The following TNR variants were observed in gnomAD, a reference collection of about 807,000 sequenced individuals.
TNR encodes the protein tenascin R.
In TNR, 45 loss-of-function variants were observed where a neutral mutation model predicts 150.4. The ratio of observed to expected loss-of-function variants is 0.30; its 90% CI spans 0.24 to 0.38. The LOEUF (loss-of-function observed/expected upper bound fraction) is 0.38. Ranked by LOEUF, TNR falls within the 10% of genes least tolerant of loss-of-function variation. TNR has a pLI of 1.00. For synonymous variants in TNR, 687 were observed against 678.4 expected, an observed-to-expected ratio of 1.01 and a Z score of -0.20; for missense variants, 1,544 against 1,759.1, an observed-to-expected ratio of 0.88 and a Z score of 2.19.
At chr1:175,379,160 T>G (rs859424) in intron 9 of TNR, among the ~76,000 whole-genome samples, 1 of 137,012 alleles carries the variant, frequency 7.3e-6, no homozygotes, top group Non-Finnish European at 1.6e-5. Flanking sequence ...GCCTGGGCAA[T>G]AAGAGTGAAA....
rs899934345 is a variant in TNR at position 175,363,618 on chromosome 1, G to A, written c.2707+90C>T. ...GCCACAGAGAAGAGGAAAAACGCAG[G>A]CAGGAGTGGATGTTCTGCGGGATAT... On this transcript the variant is annotated intron_variant, in intron 13 of 22. Transcript: ENST00000367674. The A allele has an allele frequency of 2.1e-5, 32 of 1,496,340 alleles. No homozygotes were observed. In the African/African-American group the frequency reaches 4.2e-4, roughly 20 times the overall value. The allele number at this position is 1,496,340 out of a possible 1,614,324, so 92.7% of individuals were successfully genotyped here. A position where few individuals can be genotyped will look rare whatever the true frequency, so the allele number is the denominator to read the frequency against.
chr1:175,391,389 A>T lies in TNR; in HGVS notation c.1406T>A (p.Phe469Tyr). The T allele has an allele frequency of 6.2e-7, 1 of 1,614,210 alleles. No individual in the cohort carries two copies. The highest frequency in any genetic ancestry group is 8.5e-7 in the Non-Finnish European group (1 of 1,180,042). The stretch of plus-strand genomic sequence containing the variant: ...CCCAGGCTTTAGTCCTGTCTGGTTA[A>T]AGGACGTAACATCGCTGGGGACCTG... ...IAQVPSDVTSFNQTGLKPGEE... is the reference protein window; with the variant it reads ...IAQVPSDVTSYNQTGLKPGEE... The change falls in exon 7 of 23, where the codon TTT becomes TAT. Residue 469 changes from phenylalanine (F) to tyrosine (Y), a missense_variant. Physicochemically the swap from Phe to Tyr is conservative, Grantham distance 22 (BLOSUM62 3). Coordinates refer to ENST00000367674, the MANE Select transcript of TNR (RefSeq NM_003285.3).
At chr1:175,426,881 AAAATAT>A (rs1181098915) in intron 2 of TNR, among the ~76,000 whole-genome samples, 1 of 60,484 alleles carries the variant, frequency 1.7e-5, no homozygotes, top group Non-Finnish European at 3.0e-5. Flanking sequence ...TTATATATAT[AAAATAT>A]AAATATATAT....
intron 1 of TNR, among the ~76,000 whole-genome samples, chr1:175,722,154 C>T (rs561421921): frequency 5.9e-5 from 9 of 152,238 alleles, no homozygotes; most frequent in South Asian, 2.1e-4. Context: ...TGCCACCCTC[C>T]GGGCCCTCCC....
At chr1:175,638,304 A>G (rs1664546324) in intron 1 of TNR, among the ~76,000 whole-genome samples, 1 of 152,210 alleles carries the variant, frequency 6.6e-6, no homozygotes, top group Non-Finnish European at 1.5e-5. Context: ...ACAATAACCA[A>G]CTGTGGCACT....
At chr1:175,585,470 A>T (rs1401034877) in intron 1 of TNR, among the ~76,000 whole-genome samples, 1 of 152,218 alleles carries the variant, frequency 6.6e-6, no homozygotes, top group African/African-American at 2.4e-5. Context: ...AACTACTATT[A>T]TTCCCATTTT....
chr1:175,496,174 C>T (rs1228549777), intron 2 of TNR, among the ~76,000 whole-genome samples: 1 of 152,036 alleles, frequency 6.6e-6, no homozygotes, highest in Non-Finnish European at 1.5e-5. Flanking sequence ...TGCCGGATTC[C>T]CACAGATACT....
chr1:175,435,570 G>A (rs1011843579), intron 2 of TNR, among the ~76,000 whole-genome samples: 2 of 152,292 alleles, frequency 1.3e-5, no homozygotes, highest in Admixed American at 6.5e-5. Flanking sequence ...AAGTTGGGCT[G>A]GAGATGTAAA....
At chr1:175,468,273 C>T (rs1054802407) in intron 2 of TNR, among the ~76,000 whole-genome samples, 2 of 152,106 alleles carry the variant, frequency 1.3e-5, no homozygotes, top group Non-Finnish European at 2.9e-5. Context: ...CAGGTGATTA[C>T]CTTCTTTAAG....
At chr1:175,398,344 A>T (rs920928832) in intron 4 of TNR, among the ~76,000 whole-genome samples, 11 of 152,200 alleles carry the variant, frequency 7.2e-5, no homozygotes, top group East Asian at 1.9e-4. Context: ...AACAAAAATT[A>T]AAAAAAATTT....
chr1:175,604,335 T>A (rs1415992843), intron 1 of TNR, among the ~76,000 whole-genome samples: 1 of 152,076 alleles, frequency 6.6e-6, no homozygotes, highest in Non-Finnish European at 1.5e-5. Context: ...GTAGCTCCCT[T>A]CTCTCCCCGA....
At chr1:175,711,120 CA>C (rs759215069) in intron 1 of TNR, among the ~76,000 whole-genome samples, 1 of 152,286 alleles carries the variant, frequency 6.6e-6, no homozygotes, top group South Asian at 2.1e-4. Flanking sequence ...GTCTTTAAAA[CA>C]GGCAATACAC....
chr1:175,447,283 T>C (rs1490245042), intron 2 of TNR, among the ~76,000 whole-genome samples: 1 of 152,152 alleles, frequency 6.6e-6, no homozygotes, highest in Non-Finnish European at 1.5e-5. Flanking sequence ...AGCAGTGGAT[T>C]TGTTCTTCTT....
rs566033172 is a variant in TNR, at chr1:175,638,021, C to T, written c.-165+105205G>A. ...ATGGATTTCCCAGGTTCCTCCATTA[C>T]TTGACAAGCTGCATAGAAGCATCTA... On this transcript the variant is annotated intron_variant, in intron 1 of 22. Transcript: ENST00000367674. 4.8e-4 allele frequency among the ~76,000 whole-genome samples: 73 copies of T among 152,270 alleles called. 1 individual carries two copies. In the South Asian group the frequency reaches 8.1e-3, roughly 17 times the overall value.
At chr1:175,683,056 A>C (rs1666086360) in intron 1 of TNR, among the ~76,000 whole-genome samples, 2 of 152,102 alleles carry the variant, frequency 1.3e-5, no homozygotes, top group South Asian at 2.1e-4. Flanking sequence ...CACCAACTTG[A>C]CTGTAGTCTG....
chr1:175,324,258 G>T, intron 22 of TNR, 98 bp downstream of exon 22: 2 of 1,282,814 alleles, frequency 1.6e-6, no homozygotes, highest in Non-Finnish European at 1.1e-6. Context: ...TTTTTAAAGG[G>T]AAATGAAGGA....
At chr1:175,647,915 C>T (rs1323401875) in intron 1 of TNR, among the ~76,000 whole-genome samples, 2 of 152,124 alleles carry the variant, frequency 1.3e-5, no homozygotes, top group South Asian at 2.1e-4. Flanking sequence ...CACAGACTCC[C>T]TTCTCAACTG....
chr1:175,334,901 G>T (rs1405397974), intron 20 of TNR, among the ~76,000 whole-genome samples: 12 of 152,198 alleles, frequency 7.9e-5, no homozygotes, highest in African/African-American at 2.9e-4. Context: ...AGAACCTGTT[G>T]GGTGATTATA....
At chr1:175,623,310 TA>T (rs1664038664) in intron 1 of TNR, among the ~76,000 whole-genome samples, 1 of 152,338 alleles carries the variant, frequency 6.6e-6, no homozygotes, top group Admixed American at 6.5e-5. Flanking sequence ...ACCTACACAG[TA>T]TAATATATAT....
Sources: gnomAD v4.1 joint callset for allele counts (sites outside exome capture counted in the v4.1 genomes callset) on GRCh38, gnomAD v4.1.1 for gene constraint, MANE v1.5 for transcripts, NCBI Gene and HGNC (gene_info 2026-07-23, HGNC 2026-07-21) for gene names.